The following FRMD3 variants were observed in gnomAD, a reference collection of about 807,000 sequenced individuals.
FRMD3 encodes the protein FERM domain containing 3.
A neutral mutation model predicts 70.2 loss-of-function variants in FRMD3; 33 were observed. That is an observed-to-expected ratio of 0.47 (90% confidence interval 0.36 to 0.63). FRMD3 has a LOEUF of 0.63. Ranked by LOEUF, FRMD3 falls within the 20% of genes least tolerant of loss-of-function variation. FRMD3 has a pLI of 0.00. For synonymous variants in FRMD3, 279 were observed against 255.9 expected, an observed-to-expected ratio of 1.09 and a Z score of -0.86; for missense variants, 632 against 711.4, an observed-to-expected ratio of 0.89 and a Z score of 1.27.
intron 5 of FRMD3, among the ~76,000 whole-genome samples, chr9:83,336,343 A>T (rs1823578117): frequency 1.3e-5 from 2 of 151,974 alleles, no homozygotes; most frequent in African/African-American, 2.4e-5. Flanking sequence ...TACATTTTTT[A>T]AAAATTTAAT....
intron 13 of FRMD3, among the ~76,000 whole-genome samples, chr9:83,262,292 A>G (rs1157163231): frequency 6.6e-6 from 1 of 152,166 alleles, no homozygotes; most frequent in Admixed American, 6.5e-5. Flanking sequence ...AAATGACACC[A>G]TATTTTCTTC....
chr9:83,312,367 A>G (rs1161165562), intron 7 of FRMD3, among the ~76,000 whole-genome samples: 1 of 152,234 alleles, frequency 6.6e-6, no homozygotes, highest in Non-Finnish European at 1.5e-5. Flanking sequence ...AGCCCTGAGC[A>G]TCTAATTTTG....
intron 1 of FRMD3, among the ~76,000 whole-genome samples, chr9:83,416,309 C>T (rs942746436): frequency 6.6e-6 from 1 of 152,226 alleles, no homozygotes; most frequent in African/African-American, 2.4e-5. Flanking sequence ...TCTTGCGTTT[C>T]ACAAGCCTCC....
At chr9:83,455,068 A>G (rs185342425) in intron 1 of FRMD3, among the ~76,000 whole-genome samples, 2,186 of 150,322 alleles carry the variant, frequency 0.015, 51 homozygotes, top group African/African-American at 0.051. Context: ...AGTTAGTAAC[A>G]CTTACTTTTT....
chr9:83,538,545 C>A (rs985465779), upstream of FRMD3: 2 of 239,914 alleles, frequency 8.3e-6, no homozygotes, highest in Non-Finnish European at 1.6e-5. The surrounding 1 kb of genome is among the most constrained non-coding windows in gnomAD (Gnocchi z 4.7). Flanking sequence ...GGCGGGCTCG[C>A]GACGCACTCA....
rs997468646 is a variant in FRMD3 at position 83,299,016 on chromosome 9, C to G, written c.1001+96G>C. On this transcript the variant is annotated intron_variant, in intron 11 of 13. Transcript: ENST00000304195. ...TAGAAATGGAAGACTCAAACAGAGG[C>G]ACAAGCCAAAGGCCACTTATTTGCA... The G allele has an allele frequency of 3.9e-6, 4 of 1,022,116 alleles. No individual in the cohort carries two copies. The African/African-American group carries it at 6.4e-5, about 16-fold the overall frequency. The allele number at this position is 1,022,116 out of a possible 1,614,324, so 63.3% of individuals were successfully genotyped here.
intron 13 of FRMD3, chr9:83,267,013 A>G: frequency 1.9e-6 from 3 of 1,550,838 alleles, no homozygotes; most frequent in Non-Finnish European, 1.7e-6. Flanking sequence ...CACACATACC[A>G]GTGTTACGAG....
chr9:83,473,679 G>A (rs943473588), intron 1 of FRMD3, among the ~76,000 whole-genome samples: 11 of 152,172 alleles, frequency 7.2e-5, no homozygotes, highest in Admixed American at 1.3e-4. Flanking sequence ...GGAAGAGGGC[G>A]AATGCACGGG....
At chr9:83,306,549 C>G (rs1232873358) in intron 10 of FRMD3, among the ~76,000 whole-genome samples, 1 of 152,150 alleles carries the variant, frequency 6.6e-6, no homozygotes, top group East Asian at 1.9e-4. Flanking sequence ...TCCTAGCTCC[C>G]CTGGCAGCAA....
At chr9:83,504,221 T>G (rs1829134134) in intron 1 of FRMD3, among the ~76,000 whole-genome samples, 1 of 152,176 alleles carries the variant, frequency 6.6e-6, no homozygotes, top group African/African-American at 2.4e-5. Context: ...GCACCACCAA[T>G]GACTGTAGAC....
intron 13 of FRMD3, among the ~76,000 whole-genome samples, chr9:83,289,793 T>C (rs550966595): frequency 5.3e-5 from 8 of 152,360 alleles, no homozygotes; most frequent in African/African-American, 4.8e-5. Context: ...TTCAATTTAA[T>C]TAATTTCATC....
At chr9:83,297,507 C>T in intron 12 of FRMD3, 1 of 285,116 alleles carries the variant, frequency 3.5e-6, no homozygotes, top group Non-Finnish European at 7.1e-6. Flanking sequence ...CTAGGCAATC[C>T]CTGAGGTCAT....
intron 6 of FRMD3, among the ~76,000 whole-genome samples, chr9:83,317,193 T>TACACACACACACAC (rs71823603): frequency 3.9e-4 from 57 of 145,122 alleles, no homozygotes; most frequent in African/African-American, 1.4e-3. Context: ...CTCTCATGCA[T>TACACACACACACAC]ACACACACAC....
At chr9:83,581,069 T>C in the FRMD3 span, among the ~76,000 whole-genome samples, 16 of 151,196 alleles carry the variant, frequency 1.1e-4, no homozygotes, top group Admixed American at 1.1e-3. Context: ...GTTTGAAAAT[T>C]TTCATATTAA....
At chr9:83,306,403 C>T (rs1056884908) in intron 10 of FRMD3, among the ~76,000 whole-genome samples, 14 of 152,190 alleles carry the variant, frequency 9.2e-5, no homozygotes, top group African/African-American at 2.9e-4. Flanking sequence ...CCCTTATCAC[C>T]TCTTTTTCTA....
intron 4 of FRMD3, among the ~76,000 whole-genome samples, chr9:83,347,277 T>C (rs544891620): frequency 1.3e-5 from 2 of 151,514 alleles, no homozygotes; most frequent in Non-Finnish European, 2.9e-5. Context: ...TTGTAAATGG[T>C]TTCACATTAA....
chr9:83,391,548 A>G (rs1055748096), intron 1 of FRMD3, among the ~76,000 whole-genome samples: 2 of 152,224 alleles, frequency 1.3e-5, no homozygotes, highest in African/African-American at 4.8e-5. Flanking sequence ...GGGATTGAGC[A>G]GGCCTTGATT....
At chr9:83,387,236 C>A (rs1052360577) in intron 2 of FRMD3, among the ~76,000 whole-genome samples, 2 of 152,072 alleles carry the variant, frequency 1.3e-5, no homozygotes, top group Admixed American at 6.6e-5. Context: ...AATTAAAATT[C>A]TTCTGTATGG....
In FRMD3 at chr9:83,290,742, A is replaced by G. The variant is rs771969007; in HGVS notation, c.1071-15T>C. The G allele has an allele frequency of 5.6e-6, 9 of 1,594,138 alleles. No homozygotes were observed. In the African/African-American group the frequency reaches 1.1e-4, roughly 19 times the overall value. On this transcript the variant is annotated splice_polypyrimidine_tract_variant and intron_variant, in intron 12 of 13. Coordinates refer to ENST00000304195, the MANE Select transcript of FRMD3 (RefSeq NM_174938.6). Reference sequence around the variant, plus strand: ...TAATGTTGGCTCTGAAAACAGACACAAGCCAGACAGAGTTGGTTTCCATCA... The same window carrying G: ...TAATGTTGGCTCTGAAAACAGACACGAGCCAGACAGAGTTGGTTTCCATCA...
Sources: allele counts gnomAD v4.1 joint callset (sites outside exome capture counted in the v4.1 genomes callset), GRCh38; gene constraint gnomAD v4.1.1; non-coding constraint Gnocchi (gnomAD v3.1); transcripts MANE v1.5; gene names NCBI Gene and HGNC (gene_info 2026-07-23, HGNC 2026-07-21).